The following DNALI1 variants were observed in gnomAD, a reference collection of about 807,000 sequenced individuals.
DNALI1 encodes the protein axonemal dynein light intermediate polypeptide 1.
DNALI1 carries 31 observed loss-of-function variants against 33.9 expected under a neutral mutation model. The observed-to-expected ratio is 0.91, with a 90% confidence interval of 0.69 to 1.23. The LOEUF (loss-of-function observed/expected upper bound fraction) is 1.23, where lower values mean the gene tolerates loss of function less well. Ranked by LOEUF, DNALI1 falls within the 50% of genes most tolerant of loss-of-function variation. The pLI is 0.00. For synonymous variants in DNALI1, 117 were observed against 129.2 expected (o/e 0.91, Z 0.64); for missense variants, 305 against 323.8 (o/e 0.94, Z 0.44).
Position 37,559,699 on chromosome 1 carries a change from C to T in DNALI1, c.397+203C>T, listed in dbSNP as rs897072112. 1.3e-5 allele frequency among the ~76,000 whole-genome samples: 2 copies of T among 152,198 alleles called. No homozygotes were observed. Among genetic ancestry groups the T allele is most frequent in the Non-Finnish European group, 2.9e-5 (2 of 68,046 alleles). On this transcript the variant is annotated intron_variant, in intron 3 of 5. Coordinates refer to ENST00000652629, the MANE Select transcript of DNALI1 (RefSeq NM_003462.5). This position sits in a 1 kb window ranked among gnomAD's most constrained non-coding sequence, Gnocchi z 5.3. Reference sequence around the variant, plus strand: ...CTGAAGGGGGCCAGCCCCTCCACACCTGTGGGTATTTCTCCTCAGGCAGGA... The same window carrying T: ...CTGAAGGGGGCCAGCCCCTCCACACTTGTGGGTATTTCTCCTCAGGCAGGA...
chr1:37,559,233 A>T lies in DNALI1; in HGVS notation c.228-94A>T. ...GTTGGTGGCAAAGCTGCCCCTCACC[A>T]CTACTCAGGCAGAGGGCTCAAAGGG... is the stretch of plus-strand genomic sequence containing the variant. On this transcript the variant is annotated intron_variant, in intron 2 of 5. Coordinates refer to ENST00000652629, the MANE Select transcript of DNALI1 (RefSeq NM_003462.5). This position sits in a 1 kb window ranked among gnomAD's most constrained non-coding sequence, Gnocchi z 5.3. 1 of 1,349,444 alleles carries T rather than the reference A, an allele frequency of 7.4e-7. No individual in the cohort carries two copies. The highest frequency in any genetic ancestry group is 9.9e-7 in the Non-Finnish European group (1 of 1,006,686). The allele number at this position is 1,349,444 out of a possible 1,614,324, so 83.6% of individuals were successfully genotyped here.
Position 37,565,859 on chromosome 1 carries a change from G to A in DNALI1, c.*798G>A, listed in dbSNP as rs1368457616. 2 of 152,190 alleles carry A rather than the reference G, an allele frequency of 1.3e-5. No homozygotes were observed. Among genetic ancestry groups the A allele is most frequent in the East Asian group, 1.9e-4 (1 of 5,196 alleles). 9.4% of individuals were successfully genotyped at this position (152,190 alleles called of 1,614,324 possible). The stretch of plus-strand genomic sequence containing the variant: ...ACTAAATCTCACATGCAGGTCTAAT[G>A]ACTAATAATTGGAGTACGGCTGCTA... On this transcript the variant is annotated 3_prime_UTR_variant, in exon 6 of 6. Transcript: ENST00000652629.
intron 5 of DNALI1, among the ~76,000 whole-genome samples, chr1:37,564,589 T>C (rs987132176): frequency 2.6e-5 from 4 of 152,010 alleles, no homozygotes; most frequent in Admixed American, 2.6e-4. Context: ...CACCGTGTTA[T>C]CCAGGATGGT....
In DNALI1 at chr1:37,557,533, A is replaced by C. The variant is rs974243361; in HGVS notation, c.82-70A>C. 5 of 1,543,574 alleles carry C rather than the reference A, an allele frequency of 3.2e-6. No individual in the cohort carries two copies. In the African/African-American group the frequency reaches 6.9e-5, roughly 21 times the overall value. The stretch of plus-strand genomic sequence containing the variant: ...GGCTGTGCAGAAGACCTGGAGCAAT[A>C]TACAGGTTGGGGATGTGTGGAGCTG... On this transcript the variant is annotated intron_variant, in intron 1 of 5. Transcript: ENST00000652629.
Position 37,565,050 on chromosome 1 carries a change from C to T in DNALI1, c.766C>T (p.Pro256Ser). The change falls in exon 6 of 6, where the codon CCA becomes TCA. Residue 256 changes from proline to serine, a missense_variant. Physicochemically the swap from Pro to Ser is moderately conservative, Grantham distance 74. Transcript: ENST00000652629. ...GGCCCAACTGGAAGGCATTATTGCA[C>T]CAAAGAAGTGATAATTTCCACATGA... ...LKAQLEGIIA[P>S]KK 1 of 1,614,122 alleles carries T rather than the reference C, an allele frequency of 6.2e-7. No individual in the cohort carries two copies. The highest frequency in any genetic ancestry group is 1.7e-5 in the Admixed American group (1 of 60,010).
Position 37,566,581 on chromosome 1 carries a change from C to T in DNALI1, c.*1520C>T. 2.5e-6 allele frequency: 1 copy of T among 397,730 alleles called. No individual in the cohort carries two copies. 24.6% of individuals were successfully genotyped at this position (397,730 alleles called of 1,614,324 possible). On this transcript the variant is annotated 3_prime_UTR_variant, in exon 6 of 6. Coordinates refer to ENST00000652629, the MANE Select transcript of DNALI1 (RefSeq NM_003462.5). Reference sequence around the variant, plus strand: ...AATACCACCCTTTCCATTTTATAGACCTCATCCCCTATTTCTGTCAGACAG... The same window carrying T: ...AATACCACCCTTTCCATTTTATAGATCTCATCCCCTATTTCTGTCAGACAG...
In DNALI1 at chr1:37,562,351, T is replaced by C. The variant is rs942950858; in HGVS notation, c.741+106T>C. 6.4e-6 allele frequency: 9 copies of C among 1,414,760 alleles called. No individual in the cohort carries two copies. Among genetic ancestry groups the C allele is most frequent in the South Asian group, 4.2e-5 (3 of 71,874 alleles). 87.6% of individuals were successfully genotyped at this position (1,414,760 alleles called of 1,614,324 possible). A position where few individuals can be genotyped will look rare whatever the true frequency, so the allele number is the denominator to read the frequency against. Reference sequence around the variant, plus strand: ...CATGGCTTTTAAATGTTTGTCCACATGCACTGCCAAAGGATAAAGGAAGCT... The same window carrying C: ...CATGGCTTTTAAATGTTTGTCCACACGCACTGCCAAAGGATAAAGGAAGCT... On this transcript the variant is annotated intron_variant, in intron 5 of 5. Coordinates refer to ENST00000652629, the MANE Select transcript of DNALI1 (RefSeq NM_003462.5). This position sits in a 1 kb window ranked among gnomAD's most constrained non-coding sequence, Gnocchi z 5.8.
chr1:37,564,157 C>T (rs934215101), intron 5 of DNALI1, among the ~76,000 whole-genome samples: 8 of 151,804 alleles, frequency 5.3e-5, no homozygotes, highest in African/African-American at 1.7e-4. Context: ...CACTTGAACC[C>T]GGGAGGTAGA....
In DNALI1 at chr1:37,561,290, C is replaced by T. The variant is rs1643434966; in HGVS notation, c.398-267C>T. 2.3e-6 allele frequency: 1 copy of T among 429,990 alleles called. No individual in the cohort carries two copies. Among genetic ancestry groups the T allele is most frequent in the Non-Finnish European group, 4.2e-6 (1 of 236,744 alleles). The allele number at this position is 429,990 out of a possible 1,614,324, so 26.6% of individuals were successfully genotyped here. The stretch of plus-strand genomic sequence containing the variant: ...AGGGGACCCAGTGCTGTAAACAAAC[C>T]AGAGCCTCTTGTCTCCTTTGCTCTG... On this transcript the variant is annotated intron_variant, in intron 3 of 5. Transcript: ENST00000652629. This position sits in a 1 kb window ranked among gnomAD's most constrained non-coding sequence, Gnocchi z 4.6.
At chr1:37,563,252 G>C (rs973245171) in intron 5 of DNALI1, among the ~76,000 whole-genome samples, 3 of 152,186 alleles carry the variant, frequency 2.0e-5, no homozygotes, top group Non-Finnish European at 2.9e-5. Context: ...ACCACTACTG[G>C]AACTTTTCTT....
Position 37,561,550 on chromosome 1 carries a change from T to C in DNALI1, c.398-7T>C, listed in dbSNP as rs1188351461. 2 of 1,613,186 alleles carry C rather than the reference T, an allele frequency of 1.2e-6. No individual in the cohort carries two copies. The highest frequency in any genetic ancestry group is 1.3e-5 in the African/African-American group (1 of 74,860). Reference sequence around the variant, plus strand: ...TGTCTGATCTCATGGTGTGTGTGCATTGGAAGATGAGTTGATCCGGGAGGT... The same window carrying C: ...TGTCTGATCTCATGGTGTGTGTGCACTGGAAGATGAGTTGATCCGGGAGGT... On this transcript the variant is annotated splice_region_variant and splice_polypyrimidine_tract_variant and intron_variant, in intron 3 of 5. Coordinates refer to ENST00000652629, the MANE Select transcript of DNALI1 (RefSeq NM_003462.5). This position sits in a 1 kb window ranked among gnomAD's most constrained non-coding sequence, Gnocchi z 4.6.
chr1:37,563,494 AT>A (rs939141017), intron 5 of DNALI1, among the ~76,000 whole-genome samples: 1 of 151,954 alleles, frequency 6.6e-6, no homozygotes, highest in Non-Finnish European at 1.5e-5. Context: ...GCATTTTTAA[AT>A]TTTTTTTCTT....
chr1:37,560,859 T>G (rs1293396060), intron 3 of DNALI1: 1 of 152,278 alleles, frequency 6.6e-6, no homozygotes, highest in Non-Finnish European at 1.5e-5. Context: ...CATCCATCCA[T>G]CCATCAATAT....
At chr1:37,564,756 A>C (rs967842053) in intron 5 of DNALI1, among the ~76,000 whole-genome samples, 2 of 152,182 alleles carry the variant, frequency 1.3e-5, no homozygotes, top group Admixed American at 1.3e-4. Flanking sequence ...ACAACAATGC[A>C]TTCAATATCC....
chr1:37,560,706 T>C (rs916979823), intron 3 of DNALI1: 2 of 152,240 alleles, frequency 1.3e-5, no homozygotes, highest in African/African-American at 4.8e-5. Flanking sequence ...TGCCAACCAC[T>C]ATATTCTTGG....
rs909716361 is a variant in DNALI1 at position 37,566,341 on chromosome 1, C to A, written c.*1280C>A. 1.3e-5 allele frequency: 2 copies of A among 152,662 alleles called. No individual in the cohort carries two copies. The highest frequency in any genetic ancestry group is 4.8e-5 in the African/African-American group (2 of 41,458). The allele number at this position is 152,662 out of a possible 1,614,324, so 9.5% of individuals were successfully genotyped here. On this transcript the variant is annotated 3_prime_UTR_variant, in exon 6 of 6. Transcript: ENST00000652629. ...TGGGAAAGAACTCTTTCCACGAGATCTGCTAGTTCCAGGCCTCTAAGACAG... is the reference window on the plus strand; with the variant it reads ...TGGGAAAGAACTCTTTCCACGAGATATGCTAGTTCCAGGCCTCTAAGACAG...
intron 5 of DNALI1, among the ~76,000 whole-genome samples, chr1:37,563,892 G>C (rs969272422): frequency 1.3e-5 from 2 of 152,150 alleles, no homozygotes; most frequent in South Asian, 2.1e-4. Flanking sequence ...TTGGCTACCA[G>C]AGGAACATAG....
chr1:37,562,259 A>G lies in DNALI1; in HGVS notation c.741+14A>G. On this transcript the variant is annotated intron_variant, in intron 5 of 5. Transcript: ENST00000652629. The surrounding 1 kb of genome is among the most constrained non-coding windows in gnomAD (Gnocchi z 5.8). Reference sequence around the variant, plus strand: ...CAGCAGCTGAAGGTAATCAACGCGCAGGGTGGGGTGGAGGTGCCCCCTGCC... The same window carrying G: ...CAGCAGCTGAAGGTAATCAACGCGCGGGGTGGGGTGGAGGTGCCCCCTGCC... 1 of 1,607,420 alleles carries G rather than the reference A, an allele frequency of 6.2e-7. No homozygotes were observed. Among genetic ancestry groups the G allele is most frequent in the South Asian group, 1.1e-5 (1 of 90,412 alleles).
chr1:37,557,879 CT>C, intron 2 of DNALI1, 131 bp downstream of exon 2: 1 of 1,294,798 alleles, frequency 7.7e-7, no homozygotes, highest in Non-Finnish European at 1.1e-6. Flanking sequence ...GCTCCTAGAA[CT>C]TACATATGGC....
Sources: gnomAD v4.1 joint callset for allele counts (sites outside exome capture counted in the v4.1 genomes callset) on GRCh38, gnomAD v4.1.1 for gene constraint, Gnocchi (gnomAD v3.1) non-coding constraint, MANE v1.5 for transcripts, NCBI Gene and HGNC (gene_info 2026-07-23, HGNC 2026-07-21) for gene names.